CRYBG1: variants seen among roughly 807,000 people sequenced by gnomAD.
CRYBG1 encodes beta/gamma crystallin domain-containing protein 1.
Under a neutral mutation model 189.2 loss-of-function variants are expected in CRYBG1, and 139 were observed. That is an observed-to-expected ratio of 0.73 (90% CI 0.64 to 0.85). CRYBG1 has a LOEUF of 0.85. Among genes scored for constraint, CRYBG1 ranks in the 40% least tolerant of loss-of-function variants. The pLI, the probability that CRYBG1 is intolerant of heterozygous loss-of-function variation, is 0.00. For missense variants in CRYBG1, 2,611 were observed against 2,675.8 expected (o/e 0.98, Z 0.53); for synonymous variants, 1,023 against 1,017.1 (o/e 1.01, Z -0.11).
intron 3 of CRYBG1, among the ~76,000 whole-genome samples, chr6:106,515,726 T>C (rs1472376871): frequency 1.3e-5 from 2 of 152,030 alleles, no homozygotes; most frequent in African/African-American, 4.8e-5. Context: ...GGGAAAGCAA[T>C]GCCTGGGAGA....
intron 2 of CRYBG1, among the ~76,000 whole-genome samples, chr6:106,508,849 G>A (rs783406): frequency 0.86 from 129,932 of 151,740 alleles, 55,805 homozygotes; most frequent in South Asian, 0.95. Context: ...CTCTGAGGGG[G>A]GGAGGAGTCA....
At chr6:106,534,308 G>A (rs2353046) in intron 8 of CRYBG1, among the ~76,000 whole-genome samples, 103,072 of 151,980 alleles carry the variant, frequency 0.68, 35,778 homozygotes, top group South Asian at 0.84. Flanking sequence ...TGACAGGTTT[G>A]TGTCATGGTG....
intron 1 of CRYBG1, among the ~76,000 whole-genome samples, chr6:106,438,540 G>A (rs889852869): frequency 2.0e-5 from 3 of 152,222 alleles, no homozygotes; most frequent in Non-Finnish European, 2.9e-5. Flanking sequence ...TTCCCACTGC[G>A]TCACTCCAGT....
intron 1 of CRYBG1, among the ~76,000 whole-genome samples, chr6:106,422,024 A>G (rs1011020996): frequency 1.3e-5 from 2 of 152,174 alleles, no homozygotes; most frequent in Admixed American, 6.5e-5. Context: ...CCCTCCCACA[A>G]CACATGGGAG....
intron 13 of CRYBG1, among the ~76,000 whole-genome samples, chr6:106,547,394 A>G (rs936455499): frequency 6.6e-6 from 1 of 152,212 alleles, no homozygotes; most frequent in African/African-American, 2.4e-5. Context: ...TTATTGCTAC[A>G]AAAGAGGTAC....
chr6:106,399,659 T>C (rs1347332884), intron 1 of CRYBG1, among the ~76,000 whole-genome samples: 1 of 16,266 alleles, frequency 6.1e-5, no homozygotes, highest in African/African-American at 2.8e-4. Flanking sequence ...TTTTTCTTTC[T>C]TTTTTTTTTT....
Position 106,521,123 on chromosome 6 carries a change from C to G in CRYBG1, c.3915C>G (p.Pro1305=). 1 of 1,614,082 alleles carries G rather than the reference C, an allele frequency of 6.2e-7. No homozygotes were observed. Among genetic ancestry groups the G allele is most frequent in the Non-Finnish European group, 8.5e-7 (1 of 1,180,026 alleles). The change falls in exon 4 of 22, where the codon CCC becomes CCG. Residue 1305 remains proline (P), a synonymous_variant. Coordinates refer to ENST00000633556, the MANE Select transcript of CRYBG1 (RefSeq NM_001371242.2). ...ACAAAGAACAGTCAAATCTTCTGCC[C>G]GACAACTCCTTAAAGGTCTTCAATT... is the stretch of plus-strand genomic sequence containing the variant. The part of the protein sequence containing the change: ...GLNKEQSNLL[P]DNSLKVFNFN...
At chr6:106,567,581 C>T (rs892849758) in intron 21 of CRYBG1, among the ~76,000 whole-genome samples, 1 of 152,138 alleles carries the variant, frequency 6.6e-6, no homozygotes, top group Non-Finnish European at 1.5e-5. Flanking sequence ...TCAAAATGCA[C>T]AGATTTTTAC....
chr6:106,549,586 A>T (rs1034926541), intron 13 of CRYBG1, among the ~76,000 whole-genome samples: 1 of 152,102 alleles, frequency 6.6e-6, no homozygotes, highest in Non-Finnish European at 1.5e-5. Context: ...TAAAAAAAAT[A>T]AAAAATAAAT....
chr6:106,514,706 T>C (rs1254819341), intron 3 of CRYBG1, among the ~76,000 whole-genome samples: 3 of 152,206 alleles, frequency 2.0e-5, no homozygotes, highest in Non-Finnish European at 4.4e-5. Flanking sequence ...AAACCAGAAA[T>C]GTTACACTGT....
At chr6:106,418,280 TA>T (rs1771061915) in intron 1 of CRYBG1, among the ~76,000 whole-genome samples, 1 of 152,174 alleles carries the variant, frequency 6.6e-6, no homozygotes, top group South Asian at 2.1e-4. Context: ...TTCAATTGGT[TA>T]AAAGGCATTA....
intron 13 of CRYBG1, among the ~76,000 whole-genome samples, chr6:106,545,809 G>A (rs9320176): frequency 0.12 from 17,620 of 152,164 alleles, 1,103 homozygotes; most frequent in South Asian, 0.2. Context: ...CTCCCAAGTA[G>A]TTGGGACCAC....
chr6:106,455,702 C>T (rs1362164045), intron 2 of CRYBG1, among the ~76,000 whole-genome samples: 1 of 151,944 alleles, frequency 6.6e-6, no homozygotes, highest in Non-Finnish European at 1.5e-5. Context: ...ATTATTCTCG[C>T]CTCACATTCA....
intron 8 of CRYBG1, among the ~76,000 whole-genome samples, chr6:106,537,323 G>T (rs1026082990): frequency 1.3e-5 from 2 of 152,208 alleles, no homozygotes; most frequent in Admixed American, 6.5e-5. Flanking sequence ...CACTTGTAAA[G>T]AAGTCAGACT....
intron 2 of CRYBG1, among the ~76,000 whole-genome samples, chr6:106,504,057 A>G (rs1773073768): frequency 6.7e-6 from 1 of 148,474 alleles, no homozygotes; most frequent in African/African-American, 2.5e-5. Context: ...AACCACAACC[A>G]TTGAGGTGTA....
chr6:106,509,645 T>G (rs1032809777), intron 2 of CRYBG1, among the ~76,000 whole-genome samples: 1 of 151,556 alleles, frequency 6.6e-6, no homozygotes, highest in Non-Finnish European at 1.5e-5. Context: ...GAGCTGACTC[T>G]GGGGGGTGGG....
At chr6:106,401,841 A>C (rs1770726689) in intron 1 of CRYBG1, among the ~76,000 whole-genome samples, 1 of 147,230 alleles carries the variant, frequency 6.8e-6, no homozygotes, top group Non-Finnish European at 1.5e-5. Context: ...AGTCTTTGCT[A>C]TTGTGAATAG....
chr6:106,447,047 T>G (rs563042328), intron 1 of CRYBG1, among the ~76,000 whole-genome samples: 1 of 152,232 alleles, frequency 6.6e-6, no homozygotes, highest in Non-Finnish European at 1.5e-5. Flanking sequence ...TCTGGCAGTA[T>G]AACATCTGTG....
At position 106,425,551 on chromosome 6, in the gene CRYBG1, T is replaced by C. The variant is rs916600073; in HGVS notation, c.174-26143T>C. Among the ~76,000 whole-genome samples the C allele has an allele frequency of 3.9e-5, 6 of 152,220 alleles. No homozygotes were observed. The East Asian group carries it at 5.8e-4, about 15-fold the overall frequency. ...CTGGGAAAATTCCAATACTGACATA[T>C]GCAGTTCACTAACTAAATACACTTT... On this transcript the variant is annotated intron_variant, in intron 1 of 21. Transcript: ENST00000633556.
Sources: allele counts gnomAD v4.1 joint callset (sites outside exome capture counted in the v4.1 genomes callset), GRCh38; gene constraint gnomAD v4.1.1; transcripts MANE v1.5; gene names NCBI Gene and HGNC (gene_info 2026-07-23, HGNC 2026-07-21).